UBP1: variants seen among roughly 807,000 people sequenced by gnomAD.
UBP1 encodes upstream binding protein 1.
Under a neutral mutation model 76.1 loss-of-function variants are expected in UBP1, and 22 were observed. The observed-to-expected ratio is 0.29, with a 90% CI of 0.21 to 0.41. UBP1 has a LOEUF of 0.41. UBP1 is among the 10% of genes least tolerant of loss of function. The pLI is 1.00. For synonymous variants in UBP1, 224 were observed against 237.1 expected (o/e 0.94, Z 0.51); for missense variants, 436 against 668.1 (o/e 0.65, Z 3.83).
chr3:33,400,349 C>G (rs189110180), intron 10 of UBP1, 67 bp from the exon 11 acceptor site: 1 of 1,306,762 alleles, frequency 7.7e-7, no homozygotes, highest in East Asian at 2.6e-5. Context: ...AAACAAAACA[C>G]AGAAAGCCTC....
chr3:33,427,250 C>G (rs1189919595), intron 1 of UBP1, among the ~76,000 whole-genome samples: 3 of 152,204 alleles, frequency 2.0e-5, no homozygotes, highest in Non-Finnish European at 2.9e-5. Context: ...TAGGCGTGAG[C>G]CATCACGCCC....
In UBP1 at chr3:33,439,902, G is replaced by A. The variant is rs1159304414; in HGVS notation, c.-54C>T. 16 of 1,598,660 alleles carry A rather than the reference G, an allele frequency of 1.0e-5. No homozygotes were observed. In the East Asian group the frequency reaches 1.6e-4, roughly 16 times the overall value. On this transcript the variant is annotated 5_prime_UTR_variant, in exon 1 of 16. Transcript: ENST00000283629. ...CGCGGCCTCCGCGTCCAGGGCGAAG[G>A]AGCCGGAGCTCCGCTGGCGCGTCCT...
intron 10 of UBP1, among the ~76,000 whole-genome samples, chr3:33,400,560 G>A (rs2044185717): frequency 6.6e-6 from 1 of 152,270 alleles, no homozygotes; most frequent in Middle Eastern, 3.4e-3. Context: ...TGTCTTAAGT[G>A]AAATAAGCCA....
chr3:33,433,590 T>G (rs1396725894), intron 1 of UBP1, among the ~76,000 whole-genome samples: 1 of 151,006 alleles, frequency 6.6e-6, no homozygotes, highest in South Asian at 2.1e-4. Flanking sequence ...GAGGTGGAGG[T>G]TGCGGTGAGC....
intron 1 of UBP1, among the ~76,000 whole-genome samples, chr3:33,429,784 C>T (rs530549100): frequency 6.6e-6 from 1 of 152,202 alleles, no homozygotes; most frequent in East Asian, 1.9e-4. Context: ...ATCTAAAAAT[C>T]CAGCAATGTA....
At chr3:33,403,353 G>C in intron 8 of UBP1, 1 of 217,780 alleles carries the variant, frequency 4.6e-6, no homozygotes, top group South Asian at 5.9e-5. Flanking sequence ...TGCTCCTTTT[G>C]CCCTCTTCCC....
At position 33,409,459 on chromosome 3, in the gene UBP1, T is replaced by C. The variant is rs780043450; in HGVS notation, c.698A>G (p.Lys233Arg). ...DHLHSASCQI[K>R]VFKPKGADRK... ...GGTTCTCTGTCTTACCTTAAAAACT[T>C]TGATTTGGCAGCTAGCTGAGTGTAG... The change falls in exon 6 of 16, where the codon AAA (lysine) becomes AGA (arginine). Residue 233 changes from lysine (K) to arginine (R), a missense_variant. Transcript: ENST00000283629. 1.5e-5 allele frequency: 24 copies of C among 1,614,068 alleles called. No individual in the cohort carries two copies. Among genetic ancestry groups the C allele is most frequent in the African/African-American group, 1.3e-4 (10 of 74,932 alleles).
chr3:33,416,935 T>A, intron 2 of UBP1, 101 bp from the exon 3 acceptor site: 2 of 994,642 alleles, frequency 2.0e-6, no homozygotes, highest in Non-Finnish European at 3.0e-6. Context: ...CATTACACAA[T>A]GATAGTTTGT....
rs746544943 is a variant in UBP1 at position 33,439,843 on chromosome 3, G to A, written c.6C>T (p.Ala2=). Residue 2 remains alanine (A), a synonymous_variant, in exon 1 of 16, where the codon GCC becomes GCT. Coordinates refer to ENST00000283629, the MANE Select transcript of UBP1 (RefSeq NM_014517.5). ...TCACCTCGTCCATCTTGAGCACCCA[G>A]GCCATCTTCCGGCCTCGCCGTCGCC... is the stretch of plus-strand genomic sequence containing the variant. M[A]WVLKMDEVIE... is the part of the protein sequence containing the mutation. The A allele has an allele frequency of 3.7e-6, 6 of 1,611,354 alleles. No homozygotes were observed. The highest frequency in any genetic ancestry group is 1.6e-4 in the Middle Eastern group (1 of 6,080).
At position 33,402,854 on chromosome 3, in the gene UBP1, G is replaced by C. The variant is rs182819320; in HGVS notation, c.978C>G (p.Ser326=). ...APTAYVNNSP[S]PAPTFTSPQQ... is the part of the protein sequence containing the mutation. Reference sequence around the variant, plus strand: ...GTGGGGAGGTGAAAGTGGGCGCTGGGGAAGGGCTGTTATTCACATAGGCTG... The same window carrying C: ...GTGGGGAGGTGAAAGTGGGCGCTGGCGAAGGGCTGTTATTCACATAGGCTG... The change falls in exon 9 of 16, where the codon TCC becomes TCG. Residue 326 remains serine (S), a synonymous_variant. Transcript: ENST00000283629. 1.2e-6 allele frequency: 2 copies of C among 1,610,292 alleles called. No individual in the cohort carries two copies. The highest frequency in any genetic ancestry group is 1.7e-6 in the Non-Finnish European group (2 of 1,178,732).
chr3:33,410,974 G>A (rs932053811), intron 5 of UBP1, among the ~76,000 whole-genome samples: 1 of 151,722 alleles, frequency 6.6e-6, no homozygotes, highest in African/African-American at 2.4e-5. Context: ...TCAGGAGGCT[G>A]AGAGATGAGA....
At chr3:33,412,444 A>G (rs968559607) in intron 4 of UBP1, among the ~76,000 whole-genome samples, 12 of 151,820 alleles carry the variant, frequency 7.9e-5, no homozygotes, top group African/African-American at 2.4e-4. Flanking sequence ...CTAGAGGGGC[A>G]TGGTGGCGCG....
intron 2 of UBP1, among the ~76,000 whole-genome samples, chr3:33,421,683 AGT>A (rs1188212822): frequency 6.6e-6 from 1 of 152,260 alleles, no homozygotes; most frequent in Non-Finnish European, 1.5e-5. Context: ...CTACTGACAA[AGT>A]GAAGACTATA....
At chr3:33,394,915 T>C (rs547755503) in intron 13 of UBP1, among the ~76,000 whole-genome samples, 28 of 151,540 alleles carry the variant, frequency 1.8e-4, no homozygotes, top group Middle Eastern at 3.4e-3. Flanking sequence ...AATCACAGAG[T>C]TGAATGTGAG....
chr3:33,410,999 G>A (rs1400400162), intron 5 of UBP1, among the ~76,000 whole-genome samples: 1 of 151,756 alleles, frequency 6.6e-6, no homozygotes, highest in Admixed American at 6.6e-5. Flanking sequence ...CTTGAATCTG[G>A]GAGGCGGAGA....
At chr3:33,390,481 T>C in intron 15 of UBP1, 113 bp from the exon 16 acceptor site, 1 of 1,103,756 alleles carries the variant, frequency 9.1e-7, no homozygotes, top group East Asian at 2.5e-5. Flanking sequence ...AGGTTACCTT[T>C]AAATGATTCT....
rs2154055884 is a variant in UBP1, at chr3:33,400,232, T to G, written c.1137A>C (p.Lys379Asn). 4 of 1,603,720 alleles carry G rather than the reference T, an allele frequency of 2.5e-6. No individual in the cohort carries two copies. In the African/African-American group the frequency reaches 4.0e-5, roughly 16 times the overall value. ...TIQETQQWLL[K>N]NRFSSYTRLF... ...GTCTTGTGTAGGAAGAGAATCTGTTTTTGAGCAGCCATTGCTGTGTTTCCT... is the reference window on the plus strand; with the variant it reads ...GTCTTGTGTAGGAAGAGAATCTGTTGTTGAGCAGCCATTGCTGTGTTTCCT... The change falls in exon 11 of 16, where the codon AAA (lysine) becomes AAC (asparagine). Residue 379 changes from lysine to asparagine, a missense_variant. By Grantham distance (94) the Lys-to-Asn change is moderately conservative. Around this residue, in one of 3 missense-constraint regions of UBP1, gnomAD observed 210 missense variants for 272.8 expected, o/e 0.77. Transcript: ENST00000283629.
At chr3:33,437,147 A>C (rs2045217227) in intron 1 of UBP1, among the ~76,000 whole-genome samples, 1 of 152,222 alleles carries the variant, frequency 6.6e-6, no homozygotes, top group Admixed American at 6.5e-5. Flanking sequence ...CAAAAGAAAA[A>C]GAGAAGCAAA....
At chr3:33,430,164 G>A (rs3732389) in intron 1 of UBP1, among the ~76,000 whole-genome samples, 39,008 of 151,846 alleles carry the variant, frequency 0.26, 5,841 homozygotes, top group East Asian at 0.47. Context: ...TAAAGAAACA[G>A]GCTGAAATCT....
Sources: allele counts gnomAD v4.1 joint callset (sites outside exome capture counted in the v4.1 genomes callset), GRCh38; gene constraint gnomAD v4.1.1; regional missense constraint gnomAD v4.1.1; transcripts MANE v1.5; gene names NCBI Gene and HGNC (gene_info 2026-07-23, HGNC 2026-07-21).